The following TLL1 variants were observed in gnomAD, a reference collection of about 807,000 sequenced individuals.
TLL1 encodes tolloid-like protein 1.
A neutral mutation model predicts 128.2 loss-of-function variants in TLL1; 49 were observed. That is an observed-to-expected ratio of 0.38 (90% CI 0.30 to 0.48). The LOEUF is 0.48. Ranked by LOEUF, TLL1 falls within the 20% of genes least tolerant of loss-of-function variation. TLL1 has a pLI of 0.96. For synonymous variants in TLL1, 454 were observed against 418.8 expected (o/e 1.08, Z -1.03); for missense variants, 1,123 against 1,242.0 (o/e 0.90, Z 1.44).
At chr4:165,896,479 C>CTTTT (rs70955648) in intron 1 of TLL1, among the ~76,000 whole-genome samples, 20 of 102,142 alleles carry the variant, frequency 2.0e-4, no homozygotes, top group South Asian at 3.8e-4. Context: ...AATGGTATTT[C>CTTTT]TTTTTTTTTT....
chr4:165,888,573 G>A (rs959031078), intron 1 of TLL1, among the ~76,000 whole-genome samples: 5 of 148,552 alleles, frequency 3.4e-5, no homozygotes, highest in Admixed American at 6.7e-5. Flanking sequence ...TTTTGCCTCC[G>A]TAACAGCACA....
At chr4:165,989,577 C>T (rs1736541197) in intron 2 of TLL1, 86 bp downstream of exon 2, 2 of 967,066 alleles carry the variant, frequency 2.1e-6, no homozygotes, top group African/African-American at 1.6e-5. Flanking sequence ...GATCATTTTT[C>T]ATCTCCTGTT....
At chr4:165,944,419 G>A (rs1006549157) in intron 1 of TLL1, among the ~76,000 whole-genome samples, 31 of 152,242 alleles carry the variant, frequency 2.0e-4, no homozygotes, top group African/African-American at 6.5e-4. Flanking sequence ...AGGAAGAAGC[G>A]TGATGTGTTC....
intron 1 of TLL1, among the ~76,000 whole-genome samples, chr4:165,911,515 C>T (rs1054035556): frequency 6.6e-6 from 1 of 152,174 alleles, no homozygotes; most frequent in Non-Finnish European, 1.5e-5. Context: ...TCACTAAATA[C>T]ATCTGCTGTC....
chr4:165,880,362 T>A (rs1444411901), intron 1 of TLL1, among the ~76,000 whole-genome samples: 1 of 152,214 alleles, frequency 6.6e-6, no homozygotes, highest in Non-Finnish European at 1.5e-5. Flanking sequence ...ATCCAGAAAG[T>A]GAAGCAAGGT....
chr4:166,013,744 A>T (rs1737807702), intron 7 of TLL1, among the ~76,000 whole-genome samples: 1 of 151,824 alleles, frequency 6.6e-6, no homozygotes, highest in South Asian at 2.1e-4. Flanking sequence ...AGGAAAAATT[A>T]GTGAATCTTT....
In TLL1 at chr4:166,060,109, A is replaced by C; in HGVS notation, c.1928A>C (p.Asn643Thr). 1 of 1,613,756 alleles carries C rather than the reference A, an allele frequency of 6.2e-7. No individual in the cohort carries two copies. Among genetic ancestry groups the C allele is most frequent in the Non-Finnish European group, 8.5e-7 (1 of 1,179,882 alleles). Residue 643 changes from asparagine to threonine, a missense_variant, in exon 15 of 21, where the codon AAC becomes ACC. This residue lies in a region of TLL1 where 634 missense variants were observed against 672.4 expected (regional missense o/e 0.94). Coordinates refer to ENST00000061240, the MANE Select transcript of TLL1 (RefSeq NM_012464.5). ...GWPKEYPPNK[N>T]CVWQVVAPTQ... is the part of the protein sequence containing the mutation. Reference sequence around the variant, plus strand: ...CCCAAGGAGTACCCTCCTAATAAGAACTGTGTGTGGCAAGTGGTTGCACCA... The same window carrying C: ...CCCAAGGAGTACCCTCCTAATAAGACCTGTGTGTGGCAAGTGGTTGCACCA...
chr4:166,032,451 G>A (rs1175423884), intron 9 of TLL1, among the ~76,000 whole-genome samples: 2 of 152,078 alleles, frequency 1.3e-5, no homozygotes, highest in Admixed American at 6.6e-5. Context: ...TGAAGCCTCA[G>A]TAATTCAAAT....
intron 1 of TLL1, among the ~76,000 whole-genome samples, chr4:165,947,403 C>G (rs770743367): frequency 1.3e-5 from 2 of 151,952 alleles, no homozygotes; most frequent in African/African-American, 4.8e-5. Flanking sequence ...ATATTCAGTC[C>G]GTAACACCTG....
At chr4:165,881,802 C>T (rs1730979225) in intron 1 of TLL1, among the ~76,000 whole-genome samples, 1 of 152,162 alleles carries the variant, frequency 6.6e-6, no homozygotes. Flanking sequence ...TGCATTGTGA[C>T]AGCAGGCTTT....
chr4:165,995,004 A>T, intron 4 of TLL1, 57 bp from the exon 5 acceptor site: 2 of 1,417,010 alleles, frequency 1.4e-6, no homozygotes, highest in African/African-American at 2.8e-5. Flanking sequence ...AGGATGCAGC[A>T]AGAAGCATTC....
chr4:165,917,466 C>T (rs944272387), intron 1 of TLL1, among the ~76,000 whole-genome samples: 2 of 151,982 alleles, frequency 1.3e-5, no homozygotes. Context: ...TCCTATGGCT[C>T]TTAGTATTTA....
intron 1 of TLL1, among the ~76,000 whole-genome samples, chr4:165,945,700 T>C (rs1410855063): frequency 1.3e-5 from 2 of 152,082 alleles, no homozygotes; most frequent in African/African-American, 2.4e-5. Flanking sequence ...AACGGAAATG[T>C]AAAATATATT....
rs199950107 is a variant in TLL1, at chr4:165,940,165, G to GT, written c.170-49208dup. On this transcript the variant is annotated intron_variant, in intron 1 of 20. Coordinates refer to ENST00000061240, the MANE Select transcript of TLL1 (RefSeq NM_012464.5). ...CTTCTTTCTGGACATTTTCATTTAT[G>GT]TTTTTTTTCTGTTTTCATGACAGCA... Among the ~76,000 whole-genome samples the GT allele has an allele frequency of 3.2e-3, 477 of 151,162 alleles. 4 individuals are homozygous for GT. Among genetic ancestry groups the GT allele is most frequent in the African/African-American group, 0.01 (423 of 41,264 alleles).
chr4:165,914,063 C>T (rs1294313888), intron 1 of TLL1, among the ~76,000 whole-genome samples: 1 of 151,934 alleles, frequency 6.6e-6, no homozygotes, highest in African/African-American at 2.4e-5. Context: ...TCTCTAGAAT[C>T]CTCTCATTCT....
intron 1 of TLL1, among the ~76,000 whole-genome samples, chr4:165,958,601 C>G (rs1561055101): frequency 6.8e-6 from 1 of 146,416 alleles, no homozygotes; most frequent in Non-Finnish European, 1.5e-5. Flanking sequence ...ATTGTAGATT[C>G]TGGATATTAG....
intron 1 of TLL1, among the ~76,000 whole-genome samples, chr4:165,877,760 T>G (rs570247211): frequency 6.6e-6 from 1 of 150,804 alleles, no homozygotes; most frequent in African/African-American, 2.5e-5. Context: ...TTCCTTCCCT[T>G]CTTTCCCTTC....
chr4:165,983,252 G>A (rs1372106705), intron 1 of TLL1, among the ~76,000 whole-genome samples: 1 of 151,766 alleles, frequency 6.6e-6, no homozygotes, highest in Non-Finnish European at 1.5e-5. Context: ...CAGACATTGT[G>A]GGCTATAAGT....
chr4:165,963,405 C>T (rs1404832769), intron 1 of TLL1, among the ~76,000 whole-genome samples: 1 of 152,062 alleles, frequency 6.6e-6, no homozygotes, highest in Admixed American at 6.6e-5. Context: ...TGAACAAAGG[C>T]TGAAATGAGC....
Sources: allele counts gnomAD v4.1 joint callset (sites outside exome capture counted in the v4.1 genomes callset), GRCh38; gene constraint gnomAD v4.1.1; regional missense constraint gnomAD v4.1.1; transcripts MANE v1.5; gene names NCBI Gene and HGNC (gene_info 2026-07-23, HGNC 2026-07-21).